CARMIL1: variants seen among roughly 807,000 people sequenced by gnomAD.
CARMIL1 encodes capping protein regulator and myosin 1 linker 1.
A neutral mutation model predicts 177.1 loss-of-function variants in CARMIL1; 90 were observed. That is an observed-to-expected ratio of 0.51 (90% CI 0.43 to 0.61). The LOEUF is 0.61. Ranked by LOEUF, CARMIL1 falls within the 20% of genes least tolerant of loss-of-function variation. CARMIL1 has a pLI of 0.00. For synonymous variants in CARMIL1, 577 were observed against 606.2 expected, an observed-to-expected ratio of 0.95 and a Z score of 0.71; for missense variants, 1,380 against 1,667.0, an observed-to-expected ratio of 0.83 and a Z score of 3.00.
intron 2 of CARMIL1, 132 bp downstream of exon 2, chr6:25,285,041 G>A (rs1202032037): frequency 2.2e-5 from 13 of 597,826 alleles, no homozygotes; most frequent in Non-Finnish European, 2.4e-5. Flanking sequence ...TGACCATTTT[G>A]TCTTAGGTTA....
intron 4 of CARMIL1, among the ~76,000 whole-genome samples, chr6:25,429,815 A>T (rs55937051): frequency 1.3e-5 from 2 of 150,848 alleles, no homozygotes; most frequent in East Asian, 3.9e-4. Context: ...GATTCCTGGG[A>T]TAAGTCTCAT....
intron 2 of CARMIL1, among the ~76,000 whole-genome samples, chr6:25,309,192 TCTTAA>T (rs949065511): frequency 6.6e-6 from 1 of 152,028 alleles, no homozygotes; most frequent in Non-Finnish European, 1.5e-5. Context: ...CTAGCCTCTC[TCTTAA>T]AACAACTTTA....
intron 23 of CARMIL1, among the ~76,000 whole-genome samples, chr6:25,524,969 A>G (rs997774229): frequency 6.6e-6 from 1 of 152,182 alleles, no homozygotes; most frequent in Admixed American, 6.5e-5. Context: ...AGAACAGACT[A>G]TCCCAGCACT....
At chr6:25,523,435 T>C (rs996768366) in intron 23 of CARMIL1, among the ~76,000 whole-genome samples, 10 of 152,118 alleles carry the variant, frequency 6.6e-5, no homozygotes, top group Admixed American at 5.2e-4. Context: ...ATTACAGATA[T>C]GGAAAACAAA....
At chr6:25,408,345 TA>T (rs1254309339) in intron 2 of CARMIL1, among the ~76,000 whole-genome samples, 2 of 147,180 alleles carry the variant, frequency 1.4e-5, no homozygotes, top group African/African-American at 5.0e-5. Flanking sequence ...ATGCCTGAAT[TA>T]GAAATCGTTT....
chr6:25,371,061 C>T (rs1790370847), intron 2 of CARMIL1, among the ~76,000 whole-genome samples: 1 of 152,150 alleles, frequency 6.6e-6, no homozygotes, highest in African/African-American at 2.4e-5. Flanking sequence ...ATAATGGCCT[C>T]CAGCTCCATC....
intron 2 of CARMIL1, among the ~76,000 whole-genome samples, chr6:25,392,277 A>G (rs1478020657): frequency 2.0e-5 from 3 of 152,152 alleles, no homozygotes; most frequent in African/African-American, 4.8e-5. Flanking sequence ...ACTCCTGACA[A>G]AGTTTTTGAT....
At chr6:25,578,604 GT>G (rs937487577) in intron 29 of CARMIL1, among the ~76,000 whole-genome samples, 3 of 151,356 alleles carry the variant, frequency 2.0e-5, no homozygotes, top group African/African-American at 4.9e-5. Flanking sequence ...ATGAGATTGA[GT>G]TTTTTTTTCT....
chr6:25,397,576 A>G (rs1793525267), intron 2 of CARMIL1, among the ~76,000 whole-genome samples: 1 of 152,218 alleles, frequency 6.6e-6, no homozygotes, highest in Non-Finnish European at 1.5e-5. Context: ...GCCACTGGTT[A>G]TCTAAGGAAT....
chr6:25,490,130 C>T (rs1266618436), intron 13 of CARMIL1, among the ~76,000 whole-genome samples: 1 of 152,064 alleles, frequency 6.6e-6, no homozygotes, highest in African/African-American at 2.4e-5. Flanking sequence ...GCAAAAGTTC[C>T]AGGAGCCTGG....
At chr6:25,447,653 C>T (rs1029264844) in intron 5 of CARMIL1, among the ~76,000 whole-genome samples, 15 of 152,152 alleles carry the variant, frequency 9.9e-5, no homozygotes, top group Admixed American at 9.8e-4. Flanking sequence ...ACCCTACTTC[C>T]ACTTGCTTTT....
intron 31 of CARMIL1, among the ~76,000 whole-genome samples, chr6:25,588,181 A>C (rs1039038357): frequency 7.2e-5 from 11 of 152,288 alleles, no homozygotes; most frequent in Admixed American, 5.9e-4. Flanking sequence ...GCATCTATGG[A>C]TTTTTGTATC....
intron 31 of CARMIL1, among the ~76,000 whole-genome samples, chr6:25,590,299 A>G (rs1157908343): frequency 6.6e-6 from 1 of 152,076 alleles, no homozygotes; most frequent in South Asian, 2.1e-4. Context: ...ACTTGGGTGA[A>G]TTTCAACATA....
At chr6:25,573,139 A>G (rs900802176) in intron 29 of CARMIL1, among the ~76,000 whole-genome samples, 1 of 152,026 alleles carries the variant, frequency 6.6e-6, no homozygotes, top group Non-Finnish European at 1.5e-5. Flanking sequence ...CCCAGGGATG[A>G]CCAAGGGGAG....
chr6:25,314,815 G>T (rs934962605), intron 2 of CARMIL1, among the ~76,000 whole-genome samples: 2 of 152,126 alleles, frequency 1.3e-5, no homozygotes, highest in Non-Finnish European at 2.9e-5. Context: ...ATGATGGTTA[G>T]ATTTTGCCTG....
At chr6:25,609,709 C>T (rs1262897792) in intron 35 of CARMIL1, among the ~76,000 whole-genome samples, 1 of 152,134 alleles carries the variant, frequency 6.6e-6, no homozygotes, top group African/African-American at 2.4e-5. Flanking sequence ...ATAAATATTA[C>T]ATATTTTATG....
At chr6:25,559,145 TC>T (rs561596351) in intron 29 of CARMIL1, among the ~76,000 whole-genome samples, 124 of 152,246 alleles carry the variant, frequency 8.1e-4, no homozygotes, top group African/African-American at 2.1e-3. Flanking sequence ...AGTGCAAGGA[TC>T]CCTCTCCTAA....
At chr6:25,415,973 G>C (rs1281227764) in intron 2 of CARMIL1, among the ~76,000 whole-genome samples, 1 of 151,844 alleles carries the variant, frequency 6.6e-6, no homozygotes, top group Non-Finnish European at 1.5e-5. Flanking sequence ...GTAGCAGAGA[G>C]AGGGGTCAGA....
In CARMIL1 at chr6:25,566,147, T is replaced by G. The variant is rs760323783; in HGVS notation, c.2742+9297T>G. ...TGGACTCTTGAAACAGGCTTGTACT[T>G]CACACTTCTACCTTCACTGTTGCTT... On this transcript the variant is annotated intron_variant, in intron 29 of 36. Transcript: ENST00000329474. Among the ~76,000 whole-genome samples the G allele has an allele frequency of 8.5e-5, 13 of 152,338 alleles. No individual in the cohort carries two copies. In the East Asian group the frequency reaches 2.5e-3, roughly 29 times the overall value.
Sources: gnomAD v4.1 joint callset for allele counts (sites outside exome capture counted in the v4.1 genomes callset) on GRCh38, gnomAD v4.1.1 for gene constraint, MANE v1.5 for transcripts, NCBI Gene and HGNC (gene_info 2026-07-23, HGNC 2026-07-21) for gene names.